The following SH3KBP1 variants were observed in gnomAD, a reference collection of about 807,000 sequenced individuals.
SH3KBP1 encodes SH3 domain containing kinase binding protein 1.
Under a neutral mutation model 50.1 loss-of-function variants are expected in SH3KBP1, and 8 were observed. The ratio of observed to expected loss-of-function variants is 0.16; its 90% confidence interval spans 0.09 to 0.29. The LOEUF (loss-of-function observed/expected upper bound fraction) is 0.29. Among genes scored for constraint, SH3KBP1 ranks in the 10% least tolerant of loss-of-function variants. The pLI, the probability that SH3KBP1 is intolerant of heterozygous loss-of-function variation, is 1.00. For synonymous variants in SH3KBP1, 227 were observed against 218.6 expected, an observed-to-expected ratio of 1.04 and a Z score of -0.34; for missense variants, 377 against 535.2, an observed-to-expected ratio of 0.70 and a Z score of 2.92.
chrX:19,877,924 A>G (rs187744289), intron 1 of SH3KBP1, among the ~76,000 whole-genome samples: 3 of 112,228 alleles, frequency 2.7e-5, no homozygotes, highest in African/African-American at 9.7e-5. Context: ...TGGCCACAGA[A>G]AGGAAGTAAG....
chrX:19,680,558 C>T (rs1046485404), intron 6 of SH3KBP1, among the ~76,000 whole-genome samples: 2 of 111,174 alleles, frequency 1.8e-5, no homozygotes, highest in Non-Finnish European at 3.8e-5. Context: ...CTACTGAATG[C>T]TATCACGCAA....
chrX:19,798,788 G>C (rs1170815189), intron 2 of SH3KBP1, among the ~76,000 whole-genome samples: 1 of 112,330 alleles, frequency 8.9e-6, no homozygotes, highest in Admixed American at 9.4e-5. Context: ...ATCTCACAGA[G>C]CCCAGCACAC....
At chrX:19,643,082 A>G (rs1216859466) in intron 7 of SH3KBP1, among the ~76,000 whole-genome samples, 2 of 109,806 alleles carry the variant, frequency 1.8e-5, no homozygotes, top group Non-Finnish European at 3.8e-5. Context: ...GCTCAGGGTC[A>G]TTTCTAATAT....
chrX:19,648,870 C>T (rs1375791841), intron 6 of SH3KBP1, among the ~76,000 whole-genome samples: 2 of 111,281 alleles, frequency 1.8e-5, no homozygotes, highest in East Asian at 5.6e-4. Context: ...ATTGCTTTCC[C>T]GTCAGCCTTC....
At chrX:19,732,507 C>A (rs762993300) in intron 3 of SH3KBP1, among the ~76,000 whole-genome samples, 20 of 108,108 alleles carry the variant, frequency 1.8e-4, no homozygotes, top group African/African-American at 5.7e-4. Flanking sequence ...TGAAAAAAAT[C>A]TACATATAAG....
chrX:19,682,961 A>T (rs2093494685), intron 6 of SH3KBP1, among the ~76,000 whole-genome samples: 1 of 110,690 alleles, frequency 9.0e-6, no homozygotes, highest in Non-Finnish European at 1.9e-5. Context: ...CCTGAATTAG[A>T]GAGGTTGCCA....
At chrX:19,762,533 C>T (rs2065463024) in intron 2 of SH3KBP1, among the ~76,000 whole-genome samples, 1 of 111,100 alleles carries the variant, frequency 9.0e-6, no homozygotes, top group Admixed American at 9.6e-5. Context: ...TTGACCCCCA[C>T]TATGATTCCA....
chrX:19,610,204 G>A (rs1222645388), intron 8 of SH3KBP1, among the ~76,000 whole-genome samples: 3 of 111,911 alleles, frequency 2.7e-5, no homozygotes, highest in Non-Finnish European at 5.6e-5. Flanking sequence ...TTATCTTTCT[G>A]GAAAAATGAC....
intron 12 of SH3KBP1, among the ~76,000 whole-genome samples, chrX:19,583,168 T>A (rs866956928): frequency 1.5e-5 from 1 of 66,537 alleles, no homozygotes; most frequent in East Asian, 6.7e-4. Flanking sequence ...TATTATTATT[T>A]TTGAGACGCA....
intron 1 of SH3KBP1, among the ~76,000 whole-genome samples, chrX:19,876,969 C>T (rs1395360071): frequency 9.0e-6 from 1 of 111,245 alleles, no homozygotes; most frequent in Non-Finnish European, 1.9e-5. Flanking sequence ...CCACAATCCA[C>T]CCTCCGCAAG....
chrX:19,876,557 G>C (rs1215689120), intron 1 of SH3KBP1, among the ~76,000 whole-genome samples: 1 of 110,585 alleles, frequency 9.0e-6, no homozygotes, highest in Non-Finnish European at 1.9e-5. Context: ...GCACATCTCC[G>C]GGGGGGAGAA....
chrX:19,554,628 C>T (rs1776517257), intron 13 of SH3KBP1, among the ~76,000 whole-genome samples: 1 of 109,867 alleles, frequency 9.1e-6, no homozygotes, highest in South Asian at 3.8e-4. Flanking sequence ...TCTCGAACTC[C>T]TGACCTCAGG....
intron 7 of SH3KBP1, among the ~76,000 whole-genome samples, chrX:19,639,228 C>T (rs2061793732): frequency 9.0e-6 from 1 of 111,535 alleles, no homozygotes; most frequent in African/African-American, 3.3e-5. Flanking sequence ...AAGAAGCTGA[C>T]CATAACTCCA....
intron 9 of SH3KBP1, among the ~76,000 whole-genome samples, chrX:19,595,317 C>T (rs905762836): frequency 1.1e-4 from 12 of 112,687 alleles, no homozygotes; most frequent in Non-Finnish European, 2.1e-4. Context: ...GGTACTCCTA[C>T]GCTGAAGCTG....
intron 1 of SH3KBP1, among the ~76,000 whole-genome samples, chrX:19,836,769 T>C (rs1424832605): frequency 1.8e-5 from 2 of 111,834 alleles, no homozygotes; most frequent in East Asian, 5.6e-4. Flanking sequence ...AATCTCACCT[T>C]GAATTGTAGT....
intron 6 of SH3KBP1, among the ~76,000 whole-genome samples, chrX:19,660,964 T>C (rs1602888072): frequency 8.9e-6 from 1 of 112,552 alleles, no homozygotes; most frequent in African/African-American, 3.2e-5. Flanking sequence ...TGGAAATAGC[T>C]GCCAGAATCT....
intron 3 of SH3KBP1, among the ~76,000 whole-genome samples, chrX:19,730,270 G>A (rs2064338219): frequency 1.8e-5 from 2 of 111,635 alleles, no homozygotes; most frequent in Admixed American, 9.5e-5. Context: ...GAGGCTAGGA[G>A]TTTAAGACCA....
chrX:19,706,247 T>A (rs1350288650), intron 4 of SH3KBP1, among the ~76,000 whole-genome samples: 1 of 111,026 alleles, frequency 9.0e-6, no homozygotes, highest in Admixed American at 9.6e-5. Flanking sequence ...AAACCCAGGA[T>A]CCCCTAGGCC....
At chrX:19,594,882 G>T in intron 10 of SH3KBP1, 67 bp downstream of exon 10, 1 of 831,529 alleles carries the variant, frequency 1.2e-6, no homozygotes, top group Non-Finnish European at 1.8e-6. Flanking sequence ...TCTACACTGA[G>T]GATGATTTGA....
Sources: gnomAD v4.1 joint callset for allele counts (sites outside exome capture counted in the v4.1 genomes callset) on GRCh38, gnomAD v4.1.1 for gene constraint, MANE v1.5 for transcripts, NCBI Gene and HGNC (gene_info 2026-07-23, HGNC 2026-07-21) for gene names.